CMTM8: variants seen among roughly 807,000 people sequenced by gnomAD.
The protein encoded by CMTM8 is CKLF like MARVEL transmembrane domain containing 8.
CMTM8 carries 12 observed loss-of-function variants against 18.6 expected under a neutral mutation model. The observed-to-expected ratio is 0.65, with a 90% CI of 0.41 to 1.05. The LOEUF is 1.05. Ranked by LOEUF, CMTM8 falls within the 50% of genes least tolerant of loss-of-function variation. The pLI is 0.00. For missense variants in CMTM8, 217 were observed against 227.2 expected (o/e 0.95, Z 0.29); for synonymous variants, 87 against 90.6 (o/e 0.96, Z 0.23).
chr3:32,327,897 A>G (rs999504412), intron 1 of CMTM8, among the ~76,000 whole-genome samples: 5 of 152,228 alleles, frequency 3.3e-5, no homozygotes, highest in African/African-American at 7.2e-5. Context: ...CTATAAGGGT[A>G]TGTGATTTTT....
At chr3:32,361,286 G>GTTTTTTTTTTTGTTTTTTTT (rs58364646) in intron 2 of CMTM8, among the ~76,000 whole-genome samples, 1 of 87,230 alleles carries the variant, frequency 1.1e-5, no homozygotes, top group African/African-American at 4.0e-5. Context: ...CAGCCTAAGA[G>GTTTTTTTTTTTGTTTTTTTT]TTTTTTTTTC....
At chr3:32,318,111 C>T (rs950036955) in intron 1 of CMTM8, among the ~76,000 whole-genome samples, 2 of 148,772 alleles carry the variant, frequency 1.3e-5, no homozygotes, top group African/African-American at 2.5e-5. Flanking sequence ...AAAGATCTCC[C>T]AAATGCAAAT....
intron 1 of CMTM8, among the ~76,000 whole-genome samples, chr3:32,305,862 G>A (rs1695705690): frequency 6.6e-6 from 1 of 152,172 alleles, no homozygotes; most frequent in Non-Finnish European, 1.5e-5. Context: ...AATAAAATGT[G>A]TATTGACTGT....
chr3:32,321,274 A>G (rs1260508494), intron 1 of CMTM8, among the ~76,000 whole-genome samples: 2 of 152,058 alleles, frequency 1.3e-5, no homozygotes, highest in African/African-American at 2.4e-5. Flanking sequence ...CAGCTTGTTC[A>G]CTTGAAAAGC....
rs769033156 is a variant in CMTM8 at position 32,368,033 on chromosome 3, A to G, written c.438+45A>G. ...CACATGATCCTCCTCTTCCCTCTCC[A>G]AGGCTTGCTTGGGATTGGGGAAGAC... On this transcript the variant is annotated intron_variant, in intron 3 of 3. Coordinates refer to ENST00000307526, the MANE Select transcript of CMTM8 (RefSeq NM_178868.5). 80 of 1,335,476 alleles carry G rather than the reference A, an allele frequency of 6.0e-5. 1 individual carries two copies. Among genetic ancestry groups the G allele is most frequent in the South Asian group, 4.7e-4 (40 of 84,938 alleles). 82.7% of individuals were successfully genotyped at this position (1,335,476 alleles called of 1,614,324 possible).
chr3:32,340,697 T>G (rs1428770112), intron 1 of CMTM8, among the ~76,000 whole-genome samples: 1 of 152,234 alleles, frequency 6.6e-6, no homozygotes, highest in Non-Finnish European at 1.5e-5. Flanking sequence ...CCATAGATAA[T>G]ACATTCATGA....
chr3:32,240,900 A>T (rs1371705808), intron 1 of CMTM8, among the ~76,000 whole-genome samples: 3 of 151,972 alleles, frequency 2.0e-5, no homozygotes, highest in African/African-American at 7.3e-5. Context: ...CGATCTTCCC[A>T]TCTCAGCCTC....
intron 1 of CMTM8, among the ~76,000 whole-genome samples, chr3:32,240,842 C>T (rs756369880): frequency 1.3e-5 from 2 of 152,122 alleles, no homozygotes; most frequent in East Asian, 1.9e-4. Flanking sequence ...GGCTGAGGTG[C>T]GGTGGCACCA....
chr3:32,322,290 T>C (rs1298485503), intron 1 of CMTM8, among the ~76,000 whole-genome samples: 1 of 152,162 alleles, frequency 6.6e-6, no homozygotes, highest in African/African-American at 2.4e-5. Context: ...TTTTCCTCCC[T>C]GGAGTAGTCA....
intron 1 of CMTM8, among the ~76,000 whole-genome samples, chr3:32,252,388 A>G (rs900581027): frequency 6.6e-5 from 10 of 152,152 alleles, no homozygotes; most frequent in Non-Finnish European, 1.5e-4. Flanking sequence ...ATTCAAGGTG[A>G]TTTTTAGAAT....
intron 1 of CMTM8, among the ~76,000 whole-genome samples, chr3:32,265,126 C>T (rs1206531943): frequency 6.6e-6 from 1 of 152,180 alleles, no homozygotes; most frequent in African/African-American, 2.4e-5. Flanking sequence ...ACAAAACTCT[C>T]CGCCCCAAAT....
intron 1 of CMTM8, among the ~76,000 whole-genome samples, chr3:32,327,337 T>C (rs1180321539): frequency 6.6e-6 from 1 of 152,234 alleles, no homozygotes; most frequent in Non-Finnish European, 1.5e-5. Flanking sequence ...ATGTTGGGGC[T>C]CACCTAGGTT....
intron 2 of CMTM8, among the ~76,000 whole-genome samples, chr3:32,366,954 C>G (rs939970211): frequency 9.9e-5 from 15 of 152,208 alleles, no homozygotes; most frequent in South Asian, 2.1e-4. Context: ...CATACAACCT[C>G]TGCCACAAGG....
intron 1 of CMTM8, chr3:32,259,303 A>C: frequency 1.4e-6 from 1 of 694,078 alleles, no homozygotes; most frequent in East Asian, 2.8e-5. Flanking sequence ...AAGGGACCCC[A>C]GGTCAGAGAC....
At chr3:32,242,392 T>C (rs896571152) in intron 1 of CMTM8, among the ~76,000 whole-genome samples, 6 of 152,058 alleles carry the variant, frequency 3.9e-5, no homozygotes, top group Non-Finnish European at 8.8e-5. Context: ...AGTGGTATGA[T>C]CACAGTGCAA....
At chr3:32,247,486 C>CT (rs913899418) in intron 1 of CMTM8, among the ~76,000 whole-genome samples, 9 of 151,086 alleles carry the variant, frequency 6.0e-5, no homozygotes, top group South Asian at 4.2e-4. Context: ...CTAATTTTTT[C>CT]TTTTTTTTTC....
chr3:32,330,489 T>C (rs1243562303), intron 1 of CMTM8, among the ~76,000 whole-genome samples: 1 of 152,104 alleles, frequency 6.6e-6, no homozygotes, highest in Non-Finnish European at 1.5e-5. Context: ...TTAAAAAATA[T>C]GTATATGTTT....
intron 1 of CMTM8, among the ~76,000 whole-genome samples, chr3:32,287,042 A>G (rs1431369013): frequency 6.6e-6 from 1 of 152,226 alleles, no homozygotes; most frequent in African/African-American, 2.4e-5. Flanking sequence ...GGTGAGGTGC[A>G]GTGGCAGCCT....
intron 2 of CMTM8, among the ~76,000 whole-genome samples, chr3:32,361,287 T>TTTG (rs1553608173): frequency 3.0e-4 from 10 of 33,548 alleles, no homozygotes; most frequent in Non-Finnish European, 3.0e-4. Flanking sequence ...AGCCTAAGAG[T>TTTG]TTTTTTTTCT....
Sources: gnomAD v4.1 joint callset for allele counts (sites outside exome capture counted in the v4.1 genomes callset) on GRCh38, gnomAD v4.1.1 for gene constraint, MANE v1.5 for transcripts, NCBI Gene and HGNC (gene_info 2026-07-23, HGNC 2026-07-21) for gene names.